Variants in TASOR observed in about 807,000 individuals in gnomAD.
TASOR encodes transcription activation suppressor, also known as protein TASOR.
TASOR carries 53 observed loss-of-function variants against 178.6 expected under a neutral mutation model. That is an observed-to-expected ratio of 0.30 (90% CI 0.24 to 0.37). TASOR has a LOEUF of 0.37. TASOR is among the 10% of genes least tolerant of loss of function. TASOR has a pLI of 1.00. For missense variants in TASOR, 1,815 were observed against 1,971.4 expected (o/e 0.92, Z 1.50); for synonymous variants, 713 against 696.2 (o/e 1.02, Z -0.38).
At chr3:56,661,064 C>A (rs771087434) in intron 9 of TASOR, 47 bp from the exon 10 acceptor site, 3 of 1,279,626 alleles carry the variant, frequency 2.3e-6, no homozygotes, top group Non-Finnish European at 3.3e-6. Context: ...GTATTTTCAA[C>A]TCTAGCAATC....
At chr3:56,659,928 G>A (rs9816265) in intron 11 of TASOR, among the ~76,000 whole-genome samples, 26,168 of 151,302 alleles carry the variant, frequency 0.17, 2,903 homozygotes, top group South Asian at 0.41. Flanking sequence ...AGGCTGGAGC[G>A]CAATGGTACG....
intron 11 of TASOR, among the ~76,000 whole-genome samples, chr3:56,653,449 AC>A (rs1173439201): frequency 6.6e-6 from 1 of 150,780 alleles, no homozygotes; most frequent in Non-Finnish European, 1.5e-5. Flanking sequence ...AACATCAAAG[AC>A]CAAAAAAAAA....
chr3:56,620,581 G>GACTC lies in TASOR; in HGVS notation c.*2452_*2455dup, dbSNP rs902216239. 2 of 152,162 alleles carry GACTC rather than the reference G, an allele frequency of 1.3e-5. No individual in the cohort carries two copies. Among genetic ancestry groups the GACTC allele is most frequent in the African/African-American group, 4.8e-5 (2 of 41,414 alleles). 9.4% of individuals were successfully genotyped at this position (152,162 alleles called of 1,614,324 possible). ...AATACCCTCTGCATTTCAAAATGTT[G>GACTC]ACTCAGATGTTTTTCCCTCTACAGA... On this transcript the variant is annotated 3_prime_UTR_variant, in exon 24 of 24. Coordinates refer to ENST00000683822, the MANE Select transcript of TASOR (RefSeq NM_001365635.2).
chr3:56,621,733 C>A lies in TASOR; in HGVS notation c.*1304G>T. ...AGATTTACTTATTTTTTTAAATGCT[C>A]ATTAAAAACTTGTATACTATGTAGT... On this transcript the variant is annotated 3_prime_UTR_variant, in exon 24 of 24. Coordinates refer to ENST00000683822, the MANE Select transcript of TASOR (RefSeq NM_001365635.2). 8 of 528,092 alleles carry A rather than the reference C, an allele frequency of 1.5e-5. No homozygotes were observed. Among genetic ancestry groups the A allele is most frequent in the Middle Eastern group, 6.2e-4 (1 of 1,622 alleles). 32.7% of individuals were successfully genotyped at this position (528,092 alleles called of 1,614,324 possible).
intron 7 of TASOR, chr3:56,664,339 G>A (rs568565344): frequency 6.6e-6 from 1 of 152,280 alleles, no homozygotes; most frequent in South Asian, 2.1e-4. Context: ...ATTATTCCTG[G>A]GGGCATGACC....
In TASOR at chr3:56,674,257, T is replaced by G. The variant is rs137881054; in HGVS notation, c.332-532A>C. 1.0e-3 allele frequency among the ~76,000 whole-genome samples: 153 copies of G among 150,202 alleles called. 3 individuals carry two copies. In the Middle Eastern group the frequency reaches 0.01, roughly 10 times the overall value. ...GGCTCATGCTTGTAATTCCAGCTCT[T>G]TGGGAGGCCAAGGCAGCAAGACTGC... is the stretch of plus-strand genomic sequence containing the variant. On this transcript the variant is annotated intron_variant, in intron 1 of 23. Transcript: ENST00000683822.
Position 56,621,257 on chromosome 3 carries a change from G to A in TASOR, c.*1780C>T. The A allele has an allele frequency of 4.0e-6, 1 of 250,934 alleles. No homozygotes were observed. Among genetic ancestry groups the A allele is most frequent in the Admixed American group, 5.1e-5 (1 of 19,696 alleles). The allele number at this position is 250,934 out of a possible 1,614,324, so 15.5% of individuals were successfully genotyped here. On this transcript the variant is annotated 3_prime_UTR_variant, in exon 24 of 24. Transcript: ENST00000683822. Reference sequence around the variant, plus strand: ...CACTTGGGGGTGGACTGGGGGAGAAGGGATGACTTCATTTACCCCCATAGT... The same window carrying A: ...CACTTGGGGGTGGACTGGGGGAGAAAGGATGACTTCATTTACCCCCATAGT...
chr3:56,656,578 G>A (rs1211783221), intron 11 of TASOR, among the ~76,000 whole-genome samples: 1 of 151,740 alleles, frequency 6.6e-6, no homozygotes, highest in East Asian at 1.9e-4. Flanking sequence ...GTGACAGAGC[G>A]AGACTCTGTC....
Position 56,623,408 on chromosome 3 carries a change from C to T in TASOR, c.4642G>A (p.Glu1548Lys). Reference sequence around the variant, plus strand: ...TGCACATCAGGAGACGATTGCAACTCAATTTGAGTATTCTTTTTTTGATCT... The same window carrying T: ...TGCACATCAGGAGACGATTGCAACTTAATTTGAGTATTCTTTTTTTGATCT... ...GTDQKKNTQI[E>K]LQSSPDVQNS... The change falls in exon 24 of 24, where the codon GAG becomes AAG. Residue 1548 changes from glutamate to lysine, a missense_variant. Coordinates refer to ENST00000683822, the MANE Select transcript of TASOR (RefSeq NM_001365635.2). 6.2e-7 allele frequency: 1 copy of T among 1,613,746 alleles called. No individual in the cohort carries two copies. Among genetic ancestry groups the T allele is most frequent in the Non-Finnish European group, 8.5e-7 (1 of 1,179,958 alleles).
intron 17 of TASOR, among the ~76,000 whole-genome samples, chr3:56,637,925 A>G (rs1309318880): frequency 6.6e-6 from 1 of 152,192 alleles, no homozygotes; most frequent in African/African-American, 2.4e-5. Flanking sequence ...AATATCTGCA[A>G]CTGTTTCTGA....
chr3:56,654,643 CCTA>C (rs2077430772), intron 11 of TASOR, among the ~76,000 whole-genome samples: 1 of 152,072 alleles, frequency 6.6e-6, no homozygotes, highest in Non-Finnish European at 1.5e-5. Context: ...AGCCAACCTC[CCTA>C]ATGCAGGTTG....
intron 11 of TASOR, 35 bp from the exon 12 acceptor site, chr3:56,649,092 CTTTATTA>C: frequency 6.7e-7 from 1 of 1,498,416 alleles, no homozygotes; most frequent in Non-Finnish European, 9.1e-7. Flanking sequence ...GTTGTATCTG[CTTTATTA>C]TTATTCACCA....
chr3:56,641,100 C>T (rs1278252980), intron 15 of TASOR, among the ~76,000 whole-genome samples: 2 of 97,680 alleles, frequency 2.0e-5, no homozygotes, highest in Non-Finnish European at 1.8e-5. Flanking sequence ...GATTGTTCCG[C>T]CTAAGCTTTA....
intron 1 of TASOR, among the ~76,000 whole-genome samples, chr3:56,675,289 G>C (rs528065069): frequency 6.6e-6 from 1 of 151,864 alleles, no homozygotes; most frequent in African/African-American, 2.4e-5. Flanking sequence ...CGATTCTCCT[G>C]CCTCAGTCTT....
At chr3:56,673,145 C>CTCTA in intron 2 of TASOR, among the ~76,000 whole-genome samples, 1 of 152,174 alleles carries the variant, frequency 6.6e-6, no homozygotes, top group East Asian at 1.9e-4. Flanking sequence ...AGTAAGCTAT[C>CTCTA]TCTACACTTA....
chr3:56,657,497 C>T (rs1033006077), intron 11 of TASOR, among the ~76,000 whole-genome samples: 2 of 152,092 alleles, frequency 1.3e-5, no homozygotes, highest in African/African-American at 2.4e-5. Flanking sequence ...ATATCCCCCA[C>T]AAATATTTTA....
intron 11 of TASOR, among the ~76,000 whole-genome samples, chr3:56,651,186 T>A (rs1384196609): frequency 2.6e-5 from 4 of 151,880 alleles, no homozygotes; most frequent in Non-Finnish European, 5.9e-5. Flanking sequence ...TTCAGCCCAA[T>A]GAAATCCATT....
intron 6 of TASOR, 92 bp from the exon 7 acceptor site, chr3:56,666,476 T>C (rs1443812173): frequency 1.0e-6 from 1 of 988,712 alleles, no homozygotes; most frequent in East Asian, 2.9e-5. Context: ...TAGAAAACCA[T>C]ATATGCACTT....
chr3:56,632,965 C>A, intron 18 of TASOR, 79 bp downstream of exon 18: 1 of 1,182,876 alleles, frequency 8.5e-7, no homozygotes, highest in Non-Finnish European at 1.2e-6. Flanking sequence ...CATTTAAATA[C>A]AAAAAACTTC....
Sources: allele counts gnomAD v4.1 joint callset (sites outside exome capture counted in the v4.1 genomes callset), GRCh38; gene constraint gnomAD v4.1.1; transcripts MANE v1.5; gene names NCBI Gene and HGNC (gene_info 2026-07-23, HGNC 2026-07-21).